The following CES5A variants were observed in gnomAD, a reference collection of about 807,000 sequenced individuals.
The protein encoded by CES5A is carboxylesterase 5A.
A neutral mutation model predicts 62.9 loss-of-function variants in CES5A; 67 were observed. The observed-to-expected ratio is 1.07, with a 90% confidence interval of 0.88 to 1.31. CES5A has a LOEUF of 1.31. Ranked by LOEUF, CES5A falls within the 50% of genes most tolerant of loss-of-function variation. CES5A has a pLI of 0.00. For synonymous variants in CES5A, 296 were observed against 280.8 expected, an observed-to-expected ratio of 1.05 and a Z score of -0.54; for missense variants, 748 against 708.5, an observed-to-expected ratio of 1.06 and a Z score of -0.63.
rs2033544727 is a variant in CES5A, at chr16:55,869,753, G to A, written c.418-9C>T. 2 of 1,595,692 alleles carry A rather than the reference G, an allele frequency of 1.3e-6. No homozygotes were observed. The highest frequency in any genetic ancestry group is 1.7e-6 in the Non-Finnish European group (2 of 1,169,216). On this transcript the variant is annotated splice_polypyrimidine_tract_variant and intron_variant, in intron 3 of 12. Transcript: ENST00000290567. ...GGGAACCACACCAAGACCTGAGGAG[G>A]GGAGAAGAGCATCCAGTCAGCCCAC...
chr16:55,946,423 C>G (rs909340953), intron 2 of CES5A, among the ~76,000 whole-genome samples: 1 of 152,172 alleles, frequency 6.6e-6, no homozygotes, highest in Admixed American at 6.5e-5. Context: ...TCAGTTTGTA[C>G]TATAAATCCT....
intron 1 of CES5A, among the ~76,000 whole-genome samples, chr16:55,952,672 A>C (rs2034570710): frequency 6.6e-6 from 1 of 152,142 alleles, no homozygotes; most frequent in Admixed American, 6.5e-5. Flanking sequence ...TTTCCTGGGA[A>C]ACAATAAATC....
At chr16:55,928,242 C>T (rs1335165581), upstream of CES5A, among the ~76,000 whole-genome samples, 1 of 139,952 alleles carries the variant, frequency 7.1e-6, no homozygotes, top group Non-Finnish European at 1.6e-5. Context: ...GACTCTGTCT[C>T]AAAAAAAAAA....
intron 4 of CES5A, among the ~76,000 whole-genome samples, chr16:55,867,587 A>C (rs750011931): frequency 2.0e-5 from 3 of 152,064 alleles, no homozygotes; most frequent in Non-Finnish European, 2.9e-5. Context: ...TCAAGAGTCA[A>C]GCCCTGCCAA....
chr16:55,917,745 G>A (rs1459870499), intron 1 of CES5A, among the ~76,000 whole-genome samples: 4 of 152,114 alleles, frequency 2.6e-5, no homozygotes, highest in African/African-American at 7.2e-5. Flanking sequence ...ATTAAATCCA[G>A]CCCACACTCA....
intron 1 of CES5A, among the ~76,000 whole-genome samples, chr16:55,924,970 G>A (rs2034243957): frequency 6.6e-6 from 1 of 152,016 alleles, no homozygotes; most frequent in African/African-American, 2.4e-5. Flanking sequence ...AAGATTTTTT[G>A]TATAAGACCT....
At chr16:55,917,520 G>A (rs1808753849) in intron 1 of CES5A, among the ~76,000 whole-genome samples, 1 of 152,200 alleles carries the variant, frequency 6.6e-6, no homozygotes, top group Admixed American at 6.5e-5. Context: ...TAGGTCATTG[G>A]ACCAGGGGTC....
At chr16:55,887,654 AC>A (rs1381369976) in intron 1 of CES5A, among the ~76,000 whole-genome samples, 1 of 152,096 alleles carries the variant, frequency 6.6e-6, no homozygotes, top group Non-Finnish European at 1.5e-5. Context: ...CAGCATGAAG[AC>A]TATGTGACAG....
At chr16:55,920,200 C>A (rs1404908994) in intron 1 of CES5A, among the ~76,000 whole-genome samples, 1 of 152,142 alleles carries the variant, frequency 6.6e-6, no homozygotes, top group African/African-American at 2.4e-5. Context: ...GATGCCCCTC[C>A]CCTCATTCTG....
At chr16:55,923,230 A>T (rs1261515284) in intron 1 of CES5A, among the ~76,000 whole-genome samples, 4 of 151,722 alleles carry the variant, frequency 2.6e-5, no homozygotes, top group African/African-American at 7.2e-5. Flanking sequence ...GATTAACAAA[A>T]TGAAAAGTTA....
chr16:55,876,756 GGGT>G (rs533940048), upstream of CES5A, among the ~76,000 whole-genome samples: 125 of 152,302 alleles, frequency 8.2e-4, no homozygotes, highest in South Asian at 3.9e-3. Context: ...AGATCTCAGG[GGGT>G]GGTCCTATTT....
chr16:55,920,663 C>A (rs1471967236), intron 1 of CES5A, among the ~76,000 whole-genome samples: 1 of 152,120 alleles, frequency 6.6e-6, no homozygotes, highest in Admixed American at 6.5e-5. Context: ...CAAAAGAAGC[C>A]AGCCAGGGAA....
intron 1 of CES5A, among the ~76,000 whole-genome samples, chr16:55,896,319 G>A (rs1474584091): frequency 1.3e-5 from 2 of 152,052 alleles, no homozygotes; most frequent in Admixed American, 6.5e-5. Context: ...GGGTAGTATG[G>A]GAGCTACAGT....
At chr16:55,932,960 G>C (rs1359602911) in intron 2 of CES5A, among the ~76,000 whole-genome samples, 10 of 152,262 alleles carry the variant, frequency 6.6e-5, no homozygotes, top group Admixed American at 6.5e-4. Context: ...GTTCAGACTA[G>C]GGTAGCAGGA....
chr16:55,881,325 T>G (rs2142424667), intron 1 of CES5A, among the ~76,000 whole-genome samples: 1 of 152,302 alleles, frequency 6.6e-6, no homozygotes, highest in East Asian at 1.9e-4. Context: ...AGGGATTTCC[T>G]AGTGAATGAA....
chr16:55,870,481 G>T (rs1329534076), intron 3 of CES5A, among the ~76,000 whole-genome samples: 1 of 152,150 alleles, frequency 6.6e-6, no homozygotes, highest in Non-Finnish European at 1.5e-5. Context: ...TGGGTGGATT[G>T]CCTGAGCTCA....
chr16:55,951,308 A>G (rs1250021867), intron 1 of CES5A, among the ~76,000 whole-genome samples: 1 of 152,070 alleles, frequency 6.6e-6, no homozygotes, highest in East Asian at 1.9e-4. Flanking sequence ...AGAGAGTAAT[A>G]GGAGAAAGTA....
intron 2 of CES5A, among the ~76,000 whole-genome samples, chr16:55,948,486 G>A (rs1249513673): frequency 6.6e-6 from 1 of 152,124 alleles, no homozygotes; most frequent in Non-Finnish European, 1.5e-5. Context: ...AAAATTTCTA[G>A]TCTCCTCTTG....
upstream of CES5A, among the ~76,000 whole-genome samples, chr16:55,926,890 T>C (rs530359170): frequency 1.3e-5 from 2 of 152,362 alleles, no homozygotes; most frequent in South Asian, 2.1e-4. Context: ...CACCTCTTAG[T>C]AGCCATCGCT....
Sources: gnomAD v4.1 joint callset for allele counts (sites outside exome capture counted in the v4.1 genomes callset) on GRCh38, gnomAD v4.1.1 for gene constraint, MANE v1.5 for transcripts, NCBI Gene and HGNC (gene_info 2026-07-23, HGNC 2026-07-21) for gene names.